Variants in PIK3R3 observed in about 807,000 individuals in gnomAD.
The protein encoded by PIK3R3 is phosphatidylinositol 3-kinase regulatory subunit gamma.
In PIK3R3, 64 loss-of-function variants were observed where a neutral mutation model predicts 62.9. The ratio of observed to expected loss-of-function variants is 1.02; its 90% CI spans 0.83 to 1.25. PIK3R3 has a LOEUF of 1.25. PIK3R3 is among the 50% of genes most tolerant of loss of function. PIK3R3 has a pLI of 0.00. For missense variants in PIK3R3, 614 were observed against 561.6 expected, an observed-to-expected ratio of 1.09 and a Z score of -0.94; for synonymous variants, 165 against 189.0, an observed-to-expected ratio of 0.87 and a Z score of 1.04.
intron 1 of PIK3R3, chr1:46,131,625 T>TTC: frequency 6.2e-6 from 2 of 323,912 alleles, no homozygotes; most frequent in South Asian, 2.4e-5. Flanking sequence ...CACCCCCACT[T>TTC]CCAGCCCCCA....
intron 5 of PIK3R3, among the ~76,000 whole-genome samples, chr1:46,065,795 T>A (rs985560954): frequency 2.0e-5 from 3 of 152,238 alleles, no homozygotes; most frequent in African/African-American, 7.2e-5. Context: ...AGTGCCTATA[T>A]ACACATGAAA....
chr1:46,139,595 C>G, the PIK3R3 span, among the ~76,000 whole-genome samples: 1 of 152,372 alleles, frequency 6.6e-6, no homozygotes, highest in East Asian at 1.9e-4. Context: ...GCATGTGCCA[C>G]TGTGCCCGGC....
chr1:46,099,188 T>A (rs1652425467), intron 1 of PIK3R3, among the ~76,000 whole-genome samples: 1 of 152,242 alleles, frequency 6.6e-6, no homozygotes, highest in Non-Finnish European at 1.5e-5. Flanking sequence ...AAAGGTACTT[T>A]CAAAATTCTA....
At chr1:46,119,515 C>A (rs986530776) in intron 1 of PIK3R3, among the ~76,000 whole-genome samples, 10 of 152,174 alleles carry the variant, frequency 6.6e-5, no homozygotes, top group Admixed American at 5.9e-4. Flanking sequence ...CCAGAGACCC[C>A]TCTCTTAACT....
chr1:46,138,961 C>CCTA, the PIK3R3 span: 1 of 152,158 alleles, frequency 6.6e-6, no homozygotes, highest in Non-Finnish European at 1.5e-5. Flanking sequence ...CATTCGGGAC[C>CCTA]CTATTCCTTC....
At chr1:46,107,862 ATG>A (rs148280455) in intron 1 of PIK3R3, among the ~76,000 whole-genome samples, 204 of 152,352 alleles carry the variant, frequency 1.3e-3, no homozygotes, top group African/African-American at 4.8e-3. Context: ...TTAGAGCAAT[ATG>A]TGAGAAAAAT....
intron 1 of PIK3R3, among the ~76,000 whole-genome samples, chr1:46,106,435 T>C (rs1219194790): frequency 6.6e-6 from 1 of 152,212 alleles, no homozygotes; most frequent in Non-Finnish European, 1.5e-5. Context: ...TGATATATTC[T>C]TGATGATTAT....
chr1:46,064,616 T>C (rs1385006329), intron 5 of PIK3R3, among the ~76,000 whole-genome samples: 3 of 152,076 alleles, frequency 2.0e-5, no homozygotes, highest in Non-Finnish European at 2.9e-5. Context: ...ATATATTTAC[T>C]AACAACAAAA....
intron 1 of PIK3R3, among the ~76,000 whole-genome samples, chr1:46,126,808 T>G (rs1366349121): frequency 6.6e-6 from 1 of 151,834 alleles, no homozygotes; most frequent in Non-Finnish European, 1.5e-5. Flanking sequence ...TTATTATTTT[T>G]TAATGAATTA....
intron 1 of PIK3R3, among the ~76,000 whole-genome samples, chr1:46,118,743 A>T (rs148724867): frequency 6.6e-6 from 1 of 151,834 alleles, no homozygotes; most frequent in African/African-American, 2.4e-5. Context: ...ATTAGTAGAG[A>T]CAGGGTTTTG....
chr1:46,077,394 C>T (rs1650158796), intron 3 of PIK3R3, 121 bp downstream of exon 3: 4 of 475,224 alleles, frequency 8.4e-6, no homozygotes, highest in Admixed American at 3.6e-5. Flanking sequence ...AAATTATGTA[C>T]ATAAATTAAA....
chr1:46,100,681 A>C (rs1571494911), intron 1 of PIK3R3, among the ~76,000 whole-genome samples: 1 of 152,110 alleles, frequency 6.6e-6, no homozygotes, highest in East Asian at 1.9e-4. Context: ...TGAACTTATA[A>C]ATTAATTTGG....
intron 1 of PIK3R3, among the ~76,000 whole-genome samples, chr1:46,112,288 A>T (rs757166803): frequency 1.3e-5 from 2 of 152,254 alleles, no homozygotes; most frequent in African/African-American, 2.4e-5. Context: ...ATACAGACTT[A>T]TAACACATTC....
the PIK3R3 span, among the ~76,000 whole-genome samples, chr1:46,138,532 C>G: frequency 2.0e-5 from 3 of 152,180 alleles, no homozygotes; most frequent in Non-Finnish European, 4.4e-5. Flanking sequence ...TGGTGGTGTG[C>G]TCCTGTAGTC....
At chr1:46,070,894 T>C (rs1315890402) in intron 3 of PIK3R3, among the ~76,000 whole-genome samples, 3 of 152,228 alleles carry the variant, frequency 2.0e-5, no homozygotes, top group African/African-American at 4.8e-5. Flanking sequence ...GATAGCAGAT[T>C]CTTAAAGATT....
intron 1 of PIK3R3, among the ~76,000 whole-genome samples, chr1:46,096,805 C>T (rs913527373): frequency 2.7e-5 from 4 of 148,632 alleles, no homozygotes; most frequent in Non-Finnish European, 5.9e-5. Context: ...AGTGTCACTG[C>T]ACTCCATCCT....
rs370501368 is a variant in PIK3R3, at chr1:46,045,644, T to TTTTTTTTTTTTTTTTTC, written c.1187+273_1187+274insGAAAAAAAAAAAAAAAA. ...TTTTTTTTTTTTTTTTTTTTTTTTT[T>TTTTTTTTTTTTTTTTTC]CAATTTAAGATCTCACATTACCTTT... On this transcript the variant is annotated intron_variant, in intron 9 of 9. Transcript: ENST00000262741. Among the ~76,000 whole-genome samples, 21 of 82,678 alleles carry TTTTTTTTTTTTTTTTTC rather than the reference T, an allele frequency of 2.5e-4. 6 individuals are homozygous for TTTTTTTTTTTTTTTTTC. The highest frequency in any genetic ancestry group is 5.6e-4 in the African/African-American group (12 of 21,282). 54.2% of individuals were successfully genotyped at this position (82,678 alleles called of 152,430 possible).
chr1:46,148,116 C>G, the PIK3R3 span, among the ~76,000 whole-genome samples: 1 of 152,178 alleles, frequency 6.6e-6, no homozygotes, highest in African/African-American at 2.4e-5. Context: ...CTTCTCATGG[C>G]CTGTGCTTAC....
Position 46,043,057 on chromosome 1 carries a change from G to T in PIK3R3, c.*616C>A, listed in dbSNP as rs1252359717. 1.8e-5 allele frequency: 4 copies of T among 226,692 alleles called. No individual in the cohort carries two copies. In the South Asian group the frequency reaches 7.3e-4, roughly 41 times the overall value. 14.0% of individuals were successfully genotyped at this position (226,692 alleles called of 1,614,324 possible). ...AATACTTCTTCAGAGGGAGGGGCTG[G>T]TGAGATGCTGAAGCCTAAATTATGT... On this transcript the variant is annotated 3_prime_UTR_variant, in exon 10 of 10. Coordinates refer to ENST00000262741, the MANE Select transcript of PIK3R3 (RefSeq NM_003629.4).
Sources: allele counts gnomAD v4.1 joint callset (sites outside exome capture counted in the v4.1 genomes callset), GRCh38; gene constraint gnomAD v4.1.1; transcripts MANE v1.5; gene names NCBI Gene and HGNC (gene_info 2026-07-23, HGNC 2026-07-21).